The following ASIC2 variants were observed in gnomAD, a reference collection of about 807,000 sequenced individuals.
ASIC2 encodes the protein acid-sensing ion channel 2.
ASIC2 carries 25 observed loss-of-function variants against 57.3 expected under a neutral mutation model. The observed-to-expected ratio is 0.44, with a 90% CI of 0.32 to 0.61. The LOEUF (loss-of-function observed/expected upper bound fraction) is 0.61, where lower values mean the gene tolerates loss of function less well. Among genes scored for constraint, ASIC2 ranks in the 20% least tolerant of loss-of-function variants. The pLI is 0.06. For missense variants in ASIC2, 641 were observed against 738.1 expected (o/e 0.87, Z 1.52); for synonymous variants, 319 against 307.5 (o/e 1.04, Z -0.39).
chr17:33,215,714 T>A (rs1030158987), intron 1 of ASIC2, among the ~76,000 whole-genome samples: 32 of 151,900 alleles, frequency 2.1e-4, no homozygotes, highest in African/African-American at 7.5e-4. Context: ...GCTTTTTTTT[T>A]TTTTTGAGAC....
chr17:33,600,525 T>C (rs566890877), intron 1 of ASIC2, among the ~76,000 whole-genome samples: 74 of 152,308 alleles, frequency 4.9e-4, no homozygotes, highest in Non-Finnish European at 5.6e-4. Flanking sequence ...TGGGACTAGG[T>C]AATGGGTAGA....
chr17:33,271,270 C>T (rs1194439042), intron 1 of ASIC2, among the ~76,000 whole-genome samples: 1 of 152,164 alleles, frequency 6.6e-6, no homozygotes, highest in East Asian at 1.9e-4. Context: ...GCTCAGCCTG[C>T]TGCTCTTCTC....
At chr17:33,453,070 T>G (rs958155658) in intron 1 of ASIC2, among the ~76,000 whole-genome samples, 1 of 152,214 alleles carries the variant, frequency 6.6e-6, no homozygotes. Flanking sequence ...TGCTAACTTA[T>G]GCCTATGAGT....
intron 1 of ASIC2, among the ~76,000 whole-genome samples, chr17:33,164,576 G>GCGCACACA (rs386418951): frequency 0.015 from 2,301 of 149,880 alleles, 31 homozygotes; most frequent in Middle Eastern, 0.024. Context: ...GCACATGCAC[G>GCGCACACA]CACACACACA....
chr17:33,998,316 T>TA (rs1406341459), intron 1 of ASIC2, among the ~76,000 whole-genome samples: 1 of 152,152 alleles, frequency 6.6e-6, no homozygotes, highest in Non-Finnish European at 1.5e-5. Flanking sequence ...TTTATCTTTT[T>TA]AAAAAACAAC....
intron 1 of ASIC2, among the ~76,000 whole-genome samples, chr17:34,066,895 G>C (rs115035864): frequency 0.016 from 2,417 of 152,220 alleles, 72 homozygotes; most frequent in African/African-American, 0.055. Flanking sequence ...TCAGCTCCTC[G>C]GACAGGTGGG....
chr17:33,399,140 T>C (rs1016757202), intron 1 of ASIC2, among the ~76,000 whole-genome samples: 1 of 152,036 alleles, frequency 6.6e-6, no homozygotes, highest in African/African-American at 2.4e-5. Context: ...GAAAGAAATA[T>C]GGGGTTGGAG....
intron 3 of ASIC2, among the ~76,000 whole-genome samples, chr17:33,032,527 C>T (rs1474901919): frequency 1.4e-5 from 2 of 141,258 alleles, no homozygotes; most frequent in Non-Finnish European, 3.0e-5. Flanking sequence ...CTGCTCTCTG[C>T]AATCTCTGTC....
chr17:33,668,272 C>CTTTTTTTTTTTT lies in ASIC2; in HGVS notation c.555+487694_555+487705dup, dbSNP rs397856474. 1.5e-4 allele frequency among the ~76,000 whole-genome samples: 9 copies of CTTTTTTTTTTTT among 61,416 alleles called. 1 individual carries two copies. The highest frequency in any genetic ancestry group is 4.0e-4 in the African/African-American group (9 of 22,610). 40.3% of individuals were successfully genotyped at this position (61,416 alleles called of 152,430 possible). A position where few individuals can be genotyped will look rare whatever the true frequency, so the allele number is the denominator to read the frequency against. Reference sequence around the variant, plus strand: ...CTGATTGCTTCTCCAATCAAATGTTCTTTTTTTTTTTTTTTTTTTTTTTTT... The same window carrying CTTTTTTTTTTTT: ...CTGATTGCTTCTCCAATCAAATGTTCTTTTTTTTTTTTTTTTTTTTTTTTTTTTTTTTTTTTT... On this transcript the variant is annotated intron_variant, in intron 1 of 9. Coordinates refer to the ASIC2 transcript ENST00000359872.
chr17:33,013,315 T>A lies in ASIC2; in HGVS notation c.*650A>T, dbSNP rs1228844138. ...GTGTCACAGGGAGAGAAGAACGACA[T>A]GGGCACCATGGGTGAACACAGGCGT... On this transcript the variant is annotated 3_prime_UTR_variant, in exon 10 of 10. Coordinates refer to ENST00000225823, the MANE Select transcript of ASIC2 (RefSeq NM_183377.2). 1 of 153,574 alleles carries A rather than the reference T, an allele frequency of 6.5e-6. No individual in the cohort carries two copies. Among genetic ancestry groups the A allele is most frequent in the Non-Finnish European group, 1.5e-5 (1 of 68,856 alleles). 9.5% of individuals were successfully genotyped at this position (153,574 alleles called of 1,614,324 possible). A position where few individuals can be genotyped will look rare whatever the true frequency, so the allele number is the denominator to read the frequency against.
At chr17:33,995,201 T>G (rs1906119516) in intron 1 of ASIC2, among the ~76,000 whole-genome samples, 1 of 152,188 alleles carries the variant, frequency 6.6e-6, no homozygotes, top group Non-Finnish European at 1.5e-5. Flanking sequence ...TTTATCTCTC[T>G]GATAAATTTC....
At chr17:33,558,959 G>A (rs1312651318) in intron 1 of ASIC2, among the ~76,000 whole-genome samples, 1 of 152,096 alleles carries the variant, frequency 6.6e-6, no homozygotes, top group Non-Finnish European at 1.5e-5. Context: ...GTAGAGATGG[G>A]GTTTCACCAT....
chr17:33,787,057 T>C (rs1477386966), intron 1 of ASIC2, among the ~76,000 whole-genome samples: 1 of 152,238 alleles, frequency 6.6e-6, no homozygotes, highest in Non-Finnish European at 1.5e-5. Context: ...TACCTGCTAA[T>C]GGGTACTTCC....
At chr17:33,576,320 CTA>C (rs368401396) in intron 1 of ASIC2, among the ~76,000 whole-genome samples, 4 of 152,310 alleles carry the variant, frequency 2.6e-5, no homozygotes, top group Non-Finnish European at 5.9e-5. Flanking sequence ...ATTTTCAGCT[CTA>C]TGACCTCATG....
intron 1 of ASIC2, among the ~76,000 whole-genome samples, chr17:34,081,486 G>C (rs1295852227): frequency 6.6e-6 from 1 of 152,182 alleles, no homozygotes; most frequent in African/African-American, 2.4e-5. Flanking sequence ...AGATGGTGCT[G>C]GAAAGAGCTT....
At chr17:34,114,019 A>G (rs1911357055) in intron 1 of ASIC2, among the ~76,000 whole-genome samples, 1 of 152,228 alleles carries the variant, frequency 6.6e-6, no homozygotes, top group Non-Finnish European at 1.5e-5. Flanking sequence ...CTATTTGTTG[A>G]GCACTTACTA....
intron 1 of ASIC2, among the ~76,000 whole-genome samples, chr17:33,629,958 C>A (rs943426542): frequency 1.3e-5 from 2 of 152,168 alleles, no homozygotes; most frequent in African/African-American, 4.8e-5. Context: ...AAGACTTGGG[C>A]ATCCCTCTTG....
At chr17:33,778,334 G>A (rs544364305) in intron 1 of ASIC2, among the ~76,000 whole-genome samples, 6 of 152,166 alleles carry the variant, frequency 3.9e-5, no homozygotes, top group South Asian at 2.1e-4. Context: ...TGTCAAAGTC[G>A]TGCCTGTACC....
chr17:33,475,292 CT>C (rs5820045), intron 1 of ASIC2, among the ~76,000 whole-genome samples: 73,029 of 132,702 alleles, frequency 0.55, 17,757 homozygotes, highest in Non-Finnish European at 0.56. Flanking sequence ...TGTTTCAGGT[CT>C]TTTTTTAAAA....
Sources: gnomAD v4.1 joint callset for allele counts (sites outside exome capture counted in the v4.1 genomes callset) on GRCh38, gnomAD v4.1.1 for gene constraint, MANE v1.5 for transcripts, NCBI Gene and HGNC (gene_info 2026-07-23, HGNC 2026-07-21) for gene names.